SLC4A8: variants seen among roughly 807,000 people sequenced by gnomAD.
SLC4A8 encodes electroneutral sodium bicarbonate exchanger 1.
Under a neutral mutation model 125.0 loss-of-function variants are expected in SLC4A8, and 40 were observed. The observed-to-expected ratio is 0.32, with a 90% CI of 0.25 to 0.42. The LOEUF is 0.42. Ranked by LOEUF, SLC4A8 falls within the 10% of genes least tolerant of loss-of-function variation. The pLI, the probability that SLC4A8 is intolerant of heterozygous loss-of-function variation, is 1.00. For synonymous variants in SLC4A8, 456 were observed against 476.0 expected (o/e 0.96, Z 0.55); for missense variants, 863 against 1,355.1 (o/e 0.64, Z 5.70).
chr12:51,469,123 A>G (rs989237499), intron 11 of SLC4A8: 1 of 153,860 alleles, frequency 6.5e-6, no homozygotes, highest in Non-Finnish European at 1.4e-5. Flanking sequence ...GGCACCAAGT[A>G]TCTGCTGCTA....
At chr12:51,447,462 A>G (rs2138164708) in intron 2 of SLC4A8, among the ~76,000 whole-genome samples, 1 of 152,264 alleles carries the variant, frequency 6.6e-6, no homozygotes, top group South Asian at 2.1e-4. Flanking sequence ...CCAAGAAGGA[A>G]GATGCATCTG....
upstream of SLC4A8, among the ~76,000 whole-genome samples, chr12:51,424,070 A>C (rs1478826521): frequency 0.058 from 8,124 of 140,130 alleles, 480 homozygotes; most frequent in East Asian, 0.19. Flanking sequence ...AAACAACAAA[A>C]AAAAAACAAA....
chr12:51,491,868 AC>A, intron 19 of SLC4A8, among the ~76,000 whole-genome samples: 1 of 151,934 alleles, frequency 6.6e-6, no homozygotes, highest in East Asian at 1.9e-4. Context: ...TTAACATGGA[AC>A]TTTTTTACTG....
chr12:51,509,709 T>C lies in SLC4A8; in HGVS notation c.*2271T>C, dbSNP rs1046700990. The C allele has an allele frequency of 6.6e-6, 1 of 152,232 alleles. No homozygotes were observed. Among genetic ancestry groups the C allele is most frequent in the African/African-American group, 2.4e-5 (1 of 41,426 alleles). 9.4% of individuals were successfully genotyped at this position (152,232 alleles called of 1,614,324 possible). ...GATGTCTTGTGCTGCCTTGACCGCT[T>C]GAGGGGAGGAGCCTTCATTAACTCT... On this transcript the variant is annotated 3_prime_UTR_variant, in exon 25 of 25. Coordinates refer to ENST00000453097, the MANE Select transcript of SLC4A8 (RefSeq NM_001039960.3).
rs376260949 is a variant in SLC4A8 at position 51,497,018 on chromosome 12, T to C, written c.2975T>C (p.Met992Thr). 8 of 1,614,024 alleles carry C rather than the reference T, an allele frequency of 5.0e-6. No homozygotes were observed. The highest frequency in any genetic ancestry group is 1.3e-5 in the African/African-American group (1 of 74,922). The change falls in exon 22 of 25, where the codon ATG (methionine) becomes ACG (threonine). Residue 992 changes from methionine to threonine, a missense_variant. By Grantham distance (81) the Met-to-Thr change is moderately conservative (BLOSUM62 -1). Around this residue, in one of 6 missense-constraint regions of SLC4A8, gnomAD observed 92 missense variants for 125.6 expected, o/e 0.73. Coordinates refer to ENST00000453097, the MANE Select transcript of SLC4A8 (RefSeq NM_001039960.3). ...GCCTTGGTCTTTGTCAGGAAAGTCATGGATCTCTGTTTCTCTAAGCGAGAG... is the reference window on the plus strand; with the variant it reads ...GCCTTGGTCTTTGTCAGGAAAGTCACGGATCTCTGTTTCTCTAAGCGAGAG... ...VLALVFVRKV[M>T]DLCFSKRELS...
At chr12:51,440,833 CA>C in intron 2 of SLC4A8, 44 bp downstream of exon 2, 6 of 1,513,432 alleles carry the variant, frequency 4.0e-6, no homozygotes, top group Non-Finnish European at 5.4e-6. Flanking sequence ...TGGTGAGGGG[CA>C]GCCTGGTGTG....
chr12:51,486,583 A>T (rs1951168659), intron 17 of SLC4A8, among the ~76,000 whole-genome samples: 1 of 152,226 alleles, frequency 6.6e-6, no homozygotes, highest in Non-Finnish European at 1.5e-5. Context: ...GTAGACAAAG[A>T]AGATAGAAAA....
chr12:51,417,208 G>C (rs1363761977), intron 1 of SLC4A8, among the ~76,000 whole-genome samples: 1 of 152,108 alleles, frequency 6.6e-6, no homozygotes, highest in Non-Finnish European at 1.5e-5. Context: ...TTTGAGACAG[G>C]GTCTCCCTTT....
At chr12:51,440,929 C>T (rs1949574924) in intron 2 of SLC4A8, 140 bp downstream of exon 2, 1 of 942,454 alleles carries the variant, frequency 1.1e-6, no homozygotes, top group African/African-American at 1.7e-5. Flanking sequence ...CCTCACTTTC[C>T]TCATCTGGTA....
rs891758513 is a variant in SLC4A8 at position 51,458,419 on chromosome 12, G to C, written c.764-140G>C. The C allele has an allele frequency of 1.5e-4, 97 of 635,704 alleles. No homozygotes were observed. In the African/African-American group the frequency reaches 1.7e-3, roughly 11 times the overall value. The allele number at this position is 635,704 out of a possible 1,614,324, so 39.4% of individuals were successfully genotyped here. On this transcript the variant is annotated intron_variant, in intron 6 of 24. Coordinates refer to ENST00000453097, the MANE Select transcript of SLC4A8 (RefSeq NM_001039960.3). ...GTAGATAAGGAGAAAGATGTGTGTG[G>C]GTCTTGACTTCGTAGTCATCTTAAC...
At chr12:51,501,496 T>C (rs1937881863) in intron 22 of SLC4A8, among the ~76,000 whole-genome samples, 1 of 152,268 alleles carries the variant, frequency 6.6e-6, no homozygotes, top group Non-Finnish European at 1.5e-5. Flanking sequence ...TTTGTTCTCT[T>C]TGTGGCTGCG....
In SLC4A8 at chr12:51,478,863, C is replaced by T. The variant is rs576133757; in HGVS notation, c.2172+3657C>T. ...AGCTTAATACCATGTGAGCCAGGGA[C>T]GCAGTGTCCAAGGCCCATGGCCTGG... is the stretch of plus-strand genomic sequence containing the variant. On this transcript the variant is annotated intron_variant, in intron 16 of 24. Transcript: ENST00000453097. Among the ~76,000 whole-genome samples the T allele has an allele frequency of 5.3e-5, 8 of 152,294 alleles. No homozygotes were observed. The South Asian group carries it at 8.3e-4, about 16-fold the overall frequency.
chr12:51,459,255 A>C (rs1489870516), intron 7 of SLC4A8, among the ~76,000 whole-genome samples: 1 of 152,284 alleles, frequency 6.6e-6, no homozygotes, highest in South Asian at 2.1e-4. Flanking sequence ...AAAACCTGAA[A>C]CCCCCGACAA....
chr12:51,449,366 C>T (rs540426786), intron 2 of SLC4A8, among the ~76,000 whole-genome samples: 1 of 151,270 alleles, frequency 6.6e-6, no homozygotes, highest in Non-Finnish European at 1.5e-5. Flanking sequence ...TCAAGGCTAC[C>T]ATGAGTGGTG....
At chr12:51,419,107 C>T (rs1948738232) in intron 1 of SLC4A8, among the ~76,000 whole-genome samples, 1 of 152,168 alleles carries the variant, frequency 6.6e-6, no homozygotes, top group Non-Finnish European at 1.5e-5. Flanking sequence ...AATTATATTT[C>T]TAGGAAGCCA....
rs114882143 is a variant in SLC4A8 at position 51,400,459 on chromosome 12, G to A, written c.-112+8971G>A. Among the ~76,000 whole-genome samples the A allele has an allele frequency of 2.7e-3, 409 of 151,966 alleles. 1 individual carries two copies. Among genetic ancestry groups the A allele is most frequent in the African/African-American group, 9.4e-3 (389 of 41,460 alleles). On this transcript the variant is annotated intron_variant, in intron 1 of 24. Coordinates refer to the SLC4A8 transcript ENST00000358657. The stretch of plus-strand genomic sequence containing the variant: ...GTTGGGACCCACTGCCAGGCAGGGA[G>A]TTGGTGGTATTTGATGCTGTTGTTT...
chr12:51,440,633 A>G, intron 1 of SLC4A8, 75 bp from the exon 2 acceptor site: 2 of 1,111,148 alleles, frequency 1.8e-6, no homozygotes, highest in Non-Finnish European at 2.6e-6. Context: ...TCTCAAAAGG[A>G]TCTGGCATAC....
chr12:51,431,066 G>A (rs1009659555), intron 1 of SLC4A8, among the ~76,000 whole-genome samples: 11 of 152,096 alleles, frequency 7.2e-5, no homozygotes, highest in Non-Finnish European at 1.3e-4. Flanking sequence ...CTGTTTCCTC[G>A]CCTTTTCCAT....
chr12:51,474,442 G>C lies in SLC4A8; in HGVS notation c.2005G>C (p.Val669Leu). The C allele has an allele frequency of 6.2e-7, 1 of 1,613,188 alleles. No homozygotes were observed. The highest frequency in any genetic ancestry group is 8.5e-7 in the Non-Finnish European group (1 of 1,179,330). Residue 669 changes from valine to leucine, a missense_variant, in exon 15 of 25, where the codon GTC becomes CTC. This residue lies in a region of SLC4A8 where 76 missense variants were observed against 80.2 expected (regional missense o/e 0.95). Transcript: ENST00000453097. ...TAEVHWANLT[V>L]SECQEMHGEF... Reference sequence around the variant, plus strand: ...AGAAGTCCACTGGGCTAACCTGACTGTCAGTGTAAGTCTGGGAGCTGCCAG... The same window carrying C: ...AGAAGTCCACTGGGCTAACCTGACTCTCAGTGTAAGTCTGGGAGCTGCCAG...
Sources: allele counts gnomAD v4.1 joint callset (sites outside exome capture counted in the v4.1 genomes callset), GRCh38; gene constraint gnomAD v4.1.1; regional missense constraint gnomAD v4.1.1; transcripts MANE v1.5; gene names NCBI Gene and HGNC (gene_info 2026-07-23, HGNC 2026-07-21).